CACNA1C: variants seen among roughly 807,000 people sequenced by gnomAD.
CACNA1C encodes the protein voltage-dependent L-type calcium channel subunit alpha-1C.
Under a neutral mutation model 229.0 loss-of-function variants are expected in CACNA1C, and 30 were observed. The ratio of observed to expected loss-of-function variants is 0.13; its 90% CI spans 0.10 to 0.18. The LOEUF is 0.18. Among genes scored for constraint, CACNA1C ranks in the 10% least tolerant of loss-of-function variants. CACNA1C has a pLI of 1.00. For synonymous variants in CACNA1C, 1,114 were observed against 1,132.5 expected, an observed-to-expected ratio of 0.98 and a Z score of 0.33; for missense variants, 1,658 against 2,845.0, an observed-to-expected ratio of 0.58 and a Z score of 9.49.
intron 1 of CACNA1C, among the ~76,000 whole-genome samples, chr12:2,111,317 G>C (rs1322799734): frequency 6.6e-6 from 1 of 152,210 alleles, no homozygotes; most frequent in Non-Finnish European, 1.5e-5. Flanking sequence ...CTGCCCCAGG[G>C]CTCTGCACAG....
At chr12:2,550,700 G>A (rs369206009) in intron 10 of CACNA1C, 374 of 1,303,726 alleles carry the variant, frequency 2.9e-4, no homozygotes, top group Non-Finnish European at 3.6e-4. Flanking sequence ...CCTGGGGGGC[G>A]GGGCAGGGCG....
chr12:2,673,771 C>CT, intron 38 of CACNA1C, among the ~76,000 whole-genome samples: 1 of 152,158 alleles, frequency 6.6e-6, no homozygotes, highest in Non-Finnish European at 1.5e-5. Flanking sequence ...AGAACTCTGC[C>CT]TTTAAAGGGC....
chr12:2,248,482 C>T (rs1566659367), intron 3 of CACNA1C, among the ~76,000 whole-genome samples: 1 of 152,218 alleles, frequency 6.6e-6, no homozygotes, highest in Non-Finnish European at 1.5e-5. Flanking sequence ...AGTGAGTGTT[C>T]TGCCTGCAGT....
At chr12:2,466,737 A>C (rs2099553716) in intron 5 of CACNA1C, among the ~76,000 whole-genome samples, 4 of 152,164 alleles carry the variant, frequency 2.6e-5, no homozygotes. Flanking sequence ...GACCTTGGGC[A>C]GGTCTGCCCT....
intron 3 of CACNA1C, among the ~76,000 whole-genome samples, chr12:2,177,530 C>G (rs1258651495): frequency 1.4e-5 from 2 of 147,258 alleles, no homozygotes; most frequent in Non-Finnish European, 3.0e-5. Flanking sequence ...CCTTCCTCTC[C>G]TCTCCCTTCC....
chr12:2,438,036 A>AG (rs1307974231), intron 3 of CACNA1C, among the ~76,000 whole-genome samples: 6 of 117,822 alleles, frequency 5.1e-5, no homozygotes, highest in Non-Finnish European at 3.5e-5. Context: ...AGTGGTGGTG[A>AG]GGGTGGTGGT....
At chr12:2,069,909 C>G (rs2154522937) in intron 1 of CACNA1C, among the ~76,000 whole-genome samples, 1 of 152,236 alleles carries the variant, frequency 6.6e-6, no homozygotes, top group Admixed American at 6.5e-5. Context: ...CCTCAAATTC[C>G]TGGACTCAAG....
Position 2,633,000 on chromosome 12 carries a change from A to G in CACNA1C, c.3829-1297A>G, listed in dbSNP as rs1251664690. Among the ~76,000 whole-genome samples, 1 of 152,210 alleles carries G rather than the reference A, an allele frequency of 6.6e-6. No individual in the cohort carries two copies. Among genetic ancestry groups the G allele is most frequent in the East Asian group, 1.9e-4 (1 of 5,192 alleles). ...CTAGGGTACCCTGATTTGATCTGCA[A>G]GAGTTGCACTTATTATGGATCTTGT... On this transcript the variant is annotated intron_variant, in intron 29 of 46. Coordinates refer to ENST00000399655, the MANE Select transcript of CACNA1C (RefSeq NM_000719.7). This position sits in a 1 kb window ranked among gnomAD's most constrained non-coding sequence, Gnocchi z 4.1.
At chr12:2,409,286 G>A (rs1193920664) in intron 3 of CACNA1C, among the ~76,000 whole-genome samples, 4 of 152,262 alleles carry the variant, frequency 2.6e-5, no homozygotes, top group Non-Finnish European at 4.4e-5. Flanking sequence ...TCAGCTGATC[G>A]TCTCCTTCCC....
chr12:2,449,068 C>T lies in CACNA1C; in HGVS notation c.570C>T (p.Tyr190=), dbSNP rs372770722. Residue 190 remains tyrosine (Y), a synonymous_variant, in exon 4 of 47, where the codon TAC becomes TAT. Transcript: ENST00000399655. ...GACTCCTCTTTCACCCCAATGCCTA[C>T]CTCCGCAACGGCTGGAACCTACTAG... is the stretch of plus-strand genomic sequence containing the variant. ...AYGLLFHPNA[Y]LRNGWNLLDF... is the part of the protein sequence containing the mutation. 14 of 1,588,578 alleles carry T rather than the reference C, an allele frequency of 8.8e-6. No homozygotes were observed. The African/African-American group carries it at 1.7e-4, about 20-fold the overall frequency.
chr12:1,978,957 A>G (rs1431408920), intron 1 of CACNA1C, among the ~76,000 whole-genome samples: 2 of 152,202 alleles, frequency 1.3e-5, no homozygotes, highest in Non-Finnish European at 2.9e-5. Flanking sequence ...CCAGGTTATT[A>G]CCAGAGTTTT....
chr12:2,296,830 A>T (rs569422921), intron 3 of CACNA1C, among the ~76,000 whole-genome samples: 1 of 152,308 alleles, frequency 6.6e-6, no homozygotes, highest in East Asian at 1.9e-4. Context: ...ACTGCCTGAG[A>T]TTTCACCATT....
rs936937293 is a variant in CACNA1C, at chr12:2,479,806, T to G, written c.758-6298T>G. Among the ~76,000 whole-genome samples, 1 of 152,210 alleles carries G rather than the reference T, an allele frequency of 6.6e-6. No individual in the cohort carries two copies. The highest frequency in any genetic ancestry group is 1.5e-5 in the Non-Finnish European group (1 of 68,034). ...TGGGGATATCACATGTAGAAGGGGTTTTCCCAGGCTTGAGGTTGACTCGCC... is the reference window on the plus strand; with the variant it reads ...TGGGGATATCACATGTAGAAGGGGTGTTCCCAGGCTTGAGGTTGACTCGCC... On this transcript the variant is annotated intron_variant, in intron 5 of 46. Coordinates refer to ENST00000399655, the MANE Select transcript of CACNA1C (RefSeq NM_000719.7). The surrounding 1 kb of genome is among the most constrained non-coding windows in gnomAD (Gnocchi z 4.3).
At chr12:2,631,063 C>G (rs10161253) in intron 29 of CACNA1C, among the ~76,000 whole-genome samples, 142,798 of 152,256 alleles carry the variant, frequency 0.94, 67,246 homozygotes, top group East Asian at 0.99. Flanking sequence ...GCCCTTCACC[C>G]TGGTGTGCCC....
rs570167295 is a variant in CACNA1C, at chr12:1,972,576, T to A, written c.139+1375T>A. 2.0e-5 allele frequency among the ~76,000 whole-genome samples: 3 copies of A among 152,354 alleles called. No homozygotes were observed. In the South Asian group the frequency reaches 6.2e-4, roughly 32 times the overall value. On this transcript the variant is annotated intron_variant, in intron 1 of 46. Coordinates refer to the CACNA1C transcript ENST00000682462. The stretch of plus-strand genomic sequence containing the variant: ...AAGAACCTATTTCACCAATGAGGAA[T>A]CTGTGGTCTAACAAGGTTAAATAAG...
chr12:2,361,122 C>G (rs982498910), intron 3 of CACNA1C, among the ~76,000 whole-genome samples: 1 of 151,698 alleles, frequency 6.6e-6, no homozygotes, highest in African/African-American at 2.4e-5. Flanking sequence ...TTATTTCACA[C>G]ACTTATTTGC....
intron 7 of CACNA1C, among the ~76,000 whole-genome samples, chr12:2,495,019 T>C (rs1218026331): frequency 6.6e-6 from 1 of 152,214 alleles, no homozygotes; most frequent in Admixed American, 6.5e-5. Context: ...GCAGTATGGC[T>C]GGACCCATGC....
Position 2,679,930 on chromosome 12 carries a change from C to A in CACNA1C, c.5444+134C>A, listed in dbSNP as rs2097045983. ...TTCCAGGAGGTTGCTGCCCCAGACTCCAGCAAGAGCAGGAGGCACTATGCT... is the reference window on the plus strand; with the variant it reads ...TTCCAGGAGGTTGCTGCCCCAGACTACAGCAAGAGCAGGAGGCACTATGCT... On this transcript the variant is annotated intron_variant, in intron 42 of 46. Transcript: ENST00000399655. This position sits in a 1 kb window ranked among gnomAD's most constrained non-coding sequence, Gnocchi z 5.5. 11 of 667,560 alleles carry A rather than the reference C, an allele frequency of 1.6e-5. 1 individual carries two copies. In the South Asian group the frequency reaches 2.2e-4, roughly 13 times the overall value. 41.4% of individuals were successfully genotyped at this position (667,560 alleles called of 1,614,324 possible).
At chr12:1,989,350 C>T (rs2038743983) in intron 1 of CACNA1C, among the ~76,000 whole-genome samples, 1 of 151,176 alleles carries the variant, frequency 6.6e-6, no homozygotes, top group African/African-American at 2.4e-5. Flanking sequence ...AAGAGCAGAG[C>T]AGGAGCAGGA....
Sources: gnomAD v4.1 joint callset for allele counts (sites outside exome capture counted in the v4.1 genomes callset) on GRCh38, gnomAD v4.1.1 for gene constraint, Gnocchi (gnomAD v3.1) non-coding constraint, MANE v1.5 for transcripts, NCBI Gene and HGNC (gene_info 2026-07-23, HGNC 2026-07-21) for gene names.